The following KCNH1 variants were observed in gnomAD, a reference collection of about 807,000 sequenced individuals.
KCNH1 encodes potassium voltage-gated channel subfamily H member 1, also known as voltage-gated delayed rectifier potassium channel KCNH1.
In KCNH1, 27 loss-of-function variants were observed where a neutral mutation model predicts 69.2. The observed-to-expected ratio is 0.39, with a 90% CI of 0.29 to 0.54. The LOEUF (loss-of-function observed/expected upper bound fraction) is 0.54. Ranked by LOEUF, KCNH1 falls within the 20% of genes least tolerant of loss-of-function variation. KCNH1 has a pLI of 0.68. For synonymous variants in KCNH1, 456 were observed against 487.7 expected (o/e 0.93, Z 0.86); for missense variants, 798 against 1,261.6 (o/e 0.63, Z 5.57).
chr1:211,025,335 G>A (rs1279934355), intron 5 of KCNH1, among the ~76,000 whole-genome samples: 7 of 152,114 alleles, frequency 4.6e-5, no homozygotes, highest in African/African-American at 1.4e-4. Flanking sequence ...CTTAAAAGGG[G>A]GCAAAGGAAA....
intron 6 of KCNH1, among the ~76,000 whole-genome samples, chr1:211,009,588 G>T (rs940375521): frequency 1.4e-5 from 2 of 146,252 alleles, no homozygotes; most frequent in African/African-American, 5.2e-5. Flanking sequence ...GGGAGTATAT[G>T]TAAGTTATTT....
At chr1:211,109,765 CAA>C in intron 1 of KCNH1, among the ~76,000 whole-genome samples, 1 of 145,804 alleles carries the variant, frequency 6.9e-6, no homozygotes, top group Middle Eastern at 3.5e-3. Context: ...AAGAATGAAC[CAA>C]AAAAAAACTG....
At chr1:210,950,216 CT>C (rs925247382) in intron 6 of KCNH1, among the ~76,000 whole-genome samples, 590 of 141,986 alleles carry the variant, frequency 4.2e-3, no homozygotes, top group African/African-American at 5.1e-3. Flanking sequence ...GTTTAGATTT[CT>C]TTTTTTTTTT....
chr1:210,810,614 G>C lies in KCNH1; in HGVS notation c.1463-6448C>G, dbSNP rs574870390. ...TTTCTTCAGCTTTTGCTCTTTTATT[G>C]AATTTTCATTTGATATTATACTTTA... On this transcript the variant is annotated intron_variant, in intron 7 of 10. Coordinates refer to ENST00000271751, the MANE Select transcript of KCNH1 (RefSeq NM_172362.3). Among the ~76,000 whole-genome samples, 10 of 151,660 alleles carry C rather than the reference G, an allele frequency of 6.6e-5. 1 individual carries two copies. In the South Asian group the frequency reaches 1.9e-3, roughly 28 times the overall value.
chr1:211,114,557 AT>A (rs1266373079), intron 1 of KCNH1, among the ~76,000 whole-genome samples: 50 of 152,358 alleles, frequency 3.3e-4, no homozygotes, highest in African/African-American at 1.2e-3. Flanking sequence ...AATCTCCTGA[AT>A]AAAGTACATA....
chr1:210,734,333 T>A (rs1433273747), intron 10 of KCNH1, among the ~76,000 whole-genome samples: 2 of 152,168 alleles, frequency 1.3e-5, no homozygotes, highest in Non-Finnish European at 2.9e-5. Context: ...CATCAGAAGC[T>A]GTCTCTTCTT....
chr1:211,098,040 G>A (rs983351469), intron 3 of KCNH1, among the ~76,000 whole-genome samples: 1 of 152,134 alleles, frequency 6.6e-6, no homozygotes. Flanking sequence ...AGAAAATCAG[G>A]CCAGGCATGG....
chr1:210,861,672 G>T, intron 7 of KCNH1: 1 of 773,010 alleles, frequency 1.3e-6, no homozygotes, highest in South Asian at 1.3e-5. Flanking sequence ...GATCATAGAA[G>T]ATCTTGAATA....
At chr1:210,701,581 T>C (rs1681782223) in intron 10 of KCNH1, among the ~76,000 whole-genome samples, 1 of 152,184 alleles carries the variant, frequency 6.6e-6, no homozygotes, top group South Asian at 2.1e-4. Flanking sequence ...CTTCTTTTTG[T>C]TTTTTCTTTA....
chr1:211,007,377 C>G (rs933020136), intron 6 of KCNH1, among the ~76,000 whole-genome samples: 1 of 152,168 alleles, frequency 6.6e-6, no homozygotes, highest in Non-Finnish European at 1.5e-5. Flanking sequence ...AAGAGCTTCA[C>G]GAACAACAAG....
intron 5 of KCNH1, among the ~76,000 whole-genome samples, chr1:211,043,206 G>A (rs1249079863): frequency 1.3e-5 from 2 of 152,094 alleles, no homozygotes; most frequent in Admixed American, 1.3e-4. Flanking sequence ...TAGACCATTA[G>A]CAAGATTAAC....
At chr1:210,812,344 C>T (rs936344952) in intron 7 of KCNH1, among the ~76,000 whole-genome samples, 1 of 152,160 alleles carries the variant, frequency 6.6e-6, no homozygotes, top group Non-Finnish European at 1.5e-5. Flanking sequence ...CACTTCAACT[C>T]TACTACTCTT....
At chr1:210,771,746 T>C (rs1178345228) in intron 10 of KCNH1, among the ~76,000 whole-genome samples, 1 of 152,230 alleles carries the variant, frequency 6.6e-6, no homozygotes, top group African/African-American at 2.4e-5. Context: ...ATTTTCATCA[T>C]CCGCATTTTA....
chr1:210,863,237 CAG>C (rs200972205), intron 7 of KCNH1, among the ~76,000 whole-genome samples: 1,668 of 152,278 alleles, frequency 0.011, 11 homozygotes, highest in Middle Eastern at 0.017. Context: ...TGTTACCCAG[CAG>C]AGTGTTGGGC....
chr1:211,034,957 A>G (rs1322977645), intron 5 of KCNH1, among the ~76,000 whole-genome samples: 8 of 152,182 alleles, frequency 5.3e-5, no homozygotes, highest in Non-Finnish European at 1.2e-4. Flanking sequence ...GATATAATCT[A>G]TAATTATTTC....
intron 7 of KCNH1, among the ~76,000 whole-genome samples, chr1:210,901,980 C>T (rs971929227): frequency 1.2e-4 from 19 of 152,156 alleles, no homozygotes; most frequent in Admixed American, 1.2e-3. Context: ...TTAAATACCA[C>T]ATCTCACAGG....
rs571966994 is a variant in KCNH1, at chr1:210,929,979, G to A, written c.1033-9910C>T. Among the ~76,000 whole-genome samples, 21 of 152,244 alleles carry A rather than the reference G, an allele frequency of 1.4e-4. 1 individual carries two copies. In the South Asian group the frequency reaches 3.9e-3, roughly 29 times the overall value. On this transcript the variant is annotated intron_variant, in intron 6 of 10. Coordinates refer to ENST00000271751, the MANE Select transcript of KCNH1 (RefSeq NM_172362.3). The stretch of plus-strand genomic sequence containing the variant: ...CATAGGAATATACCTAACCAAGGAG[G>A]TGAAAGTCCTCTACAATGAAAACTA...
chr1:210,868,386 G>T (rs1164462559), intron 7 of KCNH1, among the ~76,000 whole-genome samples: 1 of 151,296 alleles, frequency 6.6e-6, no homozygotes, highest in Non-Finnish European at 1.5e-5. Context: ...TTTCTTAATG[G>T]TGTCTTTCTT....
chr1:211,043,806 A>C (rs575960501), intron 5 of KCNH1, among the ~76,000 whole-genome samples: 3 of 152,182 alleles, frequency 2.0e-5, no homozygotes, highest in Non-Finnish European at 4.4e-5. Flanking sequence ...CAATAAATGC[A>C]ATACACCACA....
Sources: gnomAD v4.1 joint callset for allele counts (sites outside exome capture counted in the v4.1 genomes callset) on GRCh38, gnomAD v4.1.1 for gene constraint, MANE v1.5 for transcripts, NCBI Gene and HGNC (gene_info 2026-07-23, HGNC 2026-07-21) for gene names.